NKAIN3: variants seen among roughly 807,000 people sequenced by gnomAD.
NKAIN3 encodes sodium/potassium transporting ATPase interacting 3.
NKAIN3 carries 25 observed loss-of-function variants against 30.2 expected under a neutral mutation model. The ratio of observed to expected loss-of-function variants is 0.83; its 90% CI spans 0.60 to 1.16. NKAIN3 has a LOEUF of 1.16. Among genes scored for constraint, NKAIN3 ranks in the 50% most tolerant of loss-of-function variants. The pLI is 0.00. For missense variants in NKAIN3, 225 were observed against 254.1 expected, an observed-to-expected ratio of 0.89 and a Z score of 0.78; for synonymous variants, 91 against 89.6, an observed-to-expected ratio of 1.02 and a Z score of -0.09.
At chr8:62,719,950 G>A (rs1365250958) in intron 3 of NKAIN3, among the ~76,000 whole-genome samples, 2 of 151,748 alleles carry the variant, frequency 1.3e-5, no homozygotes, top group African/African-American at 4.8e-5. Context: ...GTAGAGACGA[G>A]GTTTCACCGT....
chr8:62,959,790 A>C (rs1823519612), intron 6 of NKAIN3, among the ~76,000 whole-genome samples: 1 of 152,138 alleles, frequency 6.6e-6, no homozygotes, highest in Admixed American at 6.5e-5. Flanking sequence ...GAGGCTTACC[A>C]TCAGTCCCTG....
intron 1 of NKAIN3, among the ~76,000 whole-genome samples, chr8:62,514,646 A>G (rs1218811962): frequency 6.6e-6 from 1 of 152,188 alleles, no homozygotes; most frequent in East Asian, 1.9e-4. Flanking sequence ...CATGTTCTGC[A>G]TGAGTTAGTC....
At chr8:62,718,253 T>C (rs1814972215) in intron 3 of NKAIN3, among the ~76,000 whole-genome samples, 1 of 152,170 alleles carries the variant, frequency 6.6e-6, no homozygotes, top group East Asian at 1.9e-4. Context: ...AACCATATCA[T>C]ATGGCATACT....
chr8:62,669,125 C>T (rs539867730), intron 3 of NKAIN3, among the ~76,000 whole-genome samples: 1 of 152,180 alleles, frequency 6.6e-6, no homozygotes, highest in East Asian at 1.9e-4. Flanking sequence ...CAAAGCCTCA[C>T]TCACTCCAGG....
chr8:62,722,569 T>G (rs1489016671), intron 3 of NKAIN3, among the ~76,000 whole-genome samples: 1 of 152,168 alleles, frequency 6.6e-6, no homozygotes, highest in East Asian at 1.9e-4. Context: ...ATACAGCTAA[T>G]GTTGGCATGA....
intron 3 of NKAIN3, among the ~76,000 whole-genome samples, chr8:62,724,180 G>A (rs1342458686): frequency 1.3e-5 from 2 of 151,880 alleles, no homozygotes; most frequent in Non-Finnish European, 2.9e-5. Context: ...CGCTTATTTC[G>A]ATTATACATA....
At chr8:62,645,666 A>G (rs1323568009) in intron 3 of NKAIN3, among the ~76,000 whole-genome samples, 1 of 152,118 alleles carries the variant, frequency 6.6e-6, no homozygotes, top group African/African-American at 2.4e-5. Flanking sequence ...GTCTTCTCTT[A>G]AGTAGAATTT....
chr8:62,828,954 A>G (rs1819111795), intron 4 of NKAIN3, among the ~76,000 whole-genome samples: 1 of 152,204 alleles, frequency 6.6e-6, no homozygotes, highest in African/African-American at 2.4e-5. Context: ...CGCTGCAAGG[A>G]TGGAGATGAG....
chr8:62,259,770 G>T (rs1268299137), intron 1 of NKAIN3, among the ~76,000 whole-genome samples: 1 of 152,158 alleles, frequency 6.6e-6, no homozygotes, highest in Non-Finnish European at 1.5e-5. Context: ...GTTGGAGAAT[G>T]TGAAACACTT....
chr8:62,472,110 G>A (rs1806373296), intron 1 of NKAIN3, among the ~76,000 whole-genome samples: 1 of 151,986 alleles, frequency 6.6e-6, no homozygotes, highest in South Asian at 2.1e-4. Flanking sequence ...AATCTCAGGA[G>A]TTCAGGGAGC....
At chr8:62,696,475 T>C (rs990633260) in intron 3 of NKAIN3, among the ~76,000 whole-genome samples, 6 of 152,180 alleles carry the variant, frequency 3.9e-5, no homozygotes, top group Non-Finnish European at 7.4e-5. Context: ...CAACAATGAT[T>C]CTAATTATAT....
chr8:62,610,822 T>A (rs1158800509), intron 3 of NKAIN3, among the ~76,000 whole-genome samples: 1 of 152,160 alleles, frequency 6.6e-6, no homozygotes, highest in Non-Finnish European at 1.5e-5. Flanking sequence ...ATTCTGTTCA[T>A]TGTTCTCTTT....
intron 2 of NKAIN3, among the ~76,000 whole-genome samples, chr8:62,583,514 C>A (rs546211045): frequency 6.6e-6 from 1 of 152,290 alleles, no homozygotes; most frequent in South Asian, 2.1e-4. Flanking sequence ...CATTAGGTTT[C>A]ATTCTCATAA....
intron 3 of NKAIN3, among the ~76,000 whole-genome samples, chr8:62,692,278 G>C (rs966738448): frequency 1.3e-5 from 2 of 152,172 alleles, no homozygotes. Flanking sequence ...ATAGATAAGG[G>C]TCCATTTTTA....
chr8:62,602,992 G>T (rs1394621068), intron 3 of NKAIN3, among the ~76,000 whole-genome samples: 2 of 152,108 alleles, frequency 1.3e-5, no homozygotes, highest in Non-Finnish European at 2.9e-5. Context: ...GTGCTGTGAA[G>T]AAACCACACT....
chr8:62,816,762 A>C (rs1012571673), intron 4 of NKAIN3, among the ~76,000 whole-genome samples: 2 of 152,078 alleles, frequency 1.3e-5, no homozygotes, highest in African/African-American at 2.4e-5. Flanking sequence ...AGATGCAGGG[A>C]CTAATGAGCC....
chr8:62,812,691 G>T (rs1206224438), intron 4 of NKAIN3, among the ~76,000 whole-genome samples: 1 of 150,822 alleles, frequency 6.6e-6, no homozygotes, highest in Non-Finnish European at 1.5e-5. Context: ...CTTTCCAATT[G>T]GTATGCTTTT....
At chr8:62,914,765 A>T (rs1159654316) in intron 4 of NKAIN3, among the ~76,000 whole-genome samples, 1 of 147,700 alleles carries the variant, frequency 6.8e-6, no homozygotes, top group Non-Finnish European at 1.5e-5. Context: ...TTTTTTGAGC[A>T]GTTACTGTAA....
chr8:62,765,259 AAAAAAAAG>A (rs1816797378), intron 4 of NKAIN3, among the ~76,000 whole-genome samples: 1 of 148,406 alleles, frequency 6.7e-6, no homozygotes, highest in South Asian at 2.2e-4. Flanking sequence ...AAAAAAAAAA[AAAAAAAAG>A]AAAAGAAAAG....
Sources: allele counts gnomAD v4.1 joint callset (sites outside exome capture counted in the v4.1 genomes callset), GRCh38; gene constraint gnomAD v4.1.1; transcripts MANE v1.5; gene names NCBI Gene and HGNC (gene_info 2026-07-23, HGNC 2026-07-21).